Variants in ABCA1 observed in about 807,000 individuals in gnomAD.
ABCA1 encodes the protein ATP binding cassette subfamily A member 1.
In ABCA1, 133 loss-of-function variants were observed where a neutral mutation model predicts 262.5. The ratio of observed to expected loss-of-function variants is 0.51; its 90% CI spans 0.44 to 0.59. The LOEUF (loss-of-function observed/expected upper bound fraction) is 0.59. Ranked by LOEUF, ABCA1 falls within the 20% of genes least tolerant of loss-of-function variation. The pLI is 0.00. For missense variants in ABCA1, 2,452 were observed against 2,777.5 expected, an observed-to-expected ratio of 0.88 and a Z score of 2.63; for synonymous variants, 1,022 against 1,043.5, an observed-to-expected ratio of 0.98 and a Z score of 0.40.
chr9:104,850,564 A>G (rs909326713), intron 7 of ABCA1, among the ~76,000 whole-genome samples: 34 of 152,276 alleles, frequency 2.2e-4, no homozygotes, highest in African/African-American at 8.0e-4. Context: ...TGTTGGCCTG[A>G]GCACATATCA....
intron 18 of ABCA1, among the ~76,000 whole-genome samples, chr9:104,823,973 A>T (rs1832598579): frequency 6.6e-6 from 1 of 152,220 alleles, no homozygotes; most frequent in East Asian, 1.9e-4. Flanking sequence ...TGAGCTGTGG[A>T]CATCTCTGTC....
chr9:104,884,648 G>T, intron 3 of ABCA1, 80 bp from the exon 4 acceptor site: 1 of 1,521,340 alleles, frequency 6.6e-7, no homozygotes, highest in Non-Finnish European at 9.1e-7. Context: ...TTTATACAAT[G>T]CTTCATGCCA....
chr9:104,861,609 A>C, intron 6 of ABCA1, 70 bp downstream of exon 6: 2 of 1,601,342 alleles, frequency 1.2e-6, no homozygotes, highest in Non-Finnish European at 1.7e-6. Flanking sequence ...GGGTTTATTC[A>C]TTTCTTTCCA....
rs185410957 is a variant in ABCA1 at position 104,835,105 on chromosome 9, G to A, written c.1311+1875C>T. Among the ~76,000 whole-genome samples the A allele has an allele frequency of 1.6e-4, 25 of 152,024 alleles. No individual in the cohort carries two copies. The East Asian group carries it at 3.9e-3, about 23-fold the overall frequency. ...TCCACTGAAAATACAAAAATTAGCC[G>A]GGCACAGTGATATGTGCCTGTAATC... On this transcript the variant is annotated intron_variant, in intron 11 of 49. Transcript: ENST00000374736.
chr9:104,884,818 T>C (rs1839009770), intron 3 of ABCA1, among the ~76,000 whole-genome samples: 1 of 151,986 alleles, frequency 6.6e-6, no homozygotes, highest in Admixed American at 6.6e-5. Context: ...ATGAGAGGGG[T>C]CCTAAGCAGA....
At chr9:104,854,589 C>T (rs989726751) in intron 7 of ABCA1, among the ~76,000 whole-genome samples, 6 of 152,142 alleles carry the variant, frequency 3.9e-5, no homozygotes, top group Admixed American at 6.5e-5. Context: ...GCCCTCTCCT[C>T]GCTCTGGGAA....
chr9:104,900,741 A>G (rs1840602418), intron 2 of ABCA1, among the ~76,000 whole-genome samples: 1 of 152,178 alleles, frequency 6.6e-6, no homozygotes, highest in African/African-American at 2.4e-5. Context: ...TGCCCCCCTG[A>G]GCCCCAGTTC....
rs1394868774 is a variant in ABCA1 at position 104,861,895 on chromosome 9, T to C, written c.422-95A>G. On this transcript the variant is annotated intron_variant, in intron 5 of 49. Transcript: ENST00000374736. ...GGACAGTGGAGAAACGTTATCATAA[T>C]ATTGATGATCAACAGTTGCCTGGCT... is the stretch of plus-strand genomic sequence containing the variant. 28 of 1,153,568 alleles carry C rather than the reference T, an allele frequency of 2.4e-5. 1 individual carries two copies. Among genetic ancestry groups the C allele is most frequent in the Non-Finnish European group, 2.9e-5 (23 of 800,514 alleles). 71.5% of individuals were successfully genotyped at this position (1,153,568 alleles called of 1,614,324 possible). A position where few individuals can be genotyped will look rare whatever the true frequency, so the allele number is the denominator to read the frequency against.
intron 1 of ABCA1, among the ~76,000 whole-genome samples, chr9:104,904,225 C>T (rs1368711388): frequency 6.6e-6 from 1 of 152,168 alleles, no homozygotes; most frequent in East Asian, 1.9e-4. Flanking sequence ...CCCTGAACTT[C>T]CTTACATACT....
chr9:104,926,091 G>C (rs958569352), intron 1 of ABCA1, among the ~76,000 whole-genome samples: 1 of 152,176 alleles, frequency 6.6e-6, no homozygotes, highest in South Asian at 2.1e-4. Context: ...TTCTCTTCGT[G>C]GGAAGCAGGG....
intron 37 of ABCA1, among the ~76,000 whole-genome samples, chr9:104,797,810 G>A (rs905854011): frequency 1.4e-4 from 21 of 152,116 alleles, no homozygotes; most frequent in South Asian, 6.2e-4. Flanking sequence ...GGACTTGTTC[G>A]GTGGGAGAAG....
rs937982677 is a variant in ABCA1, at chr9:104,806,399, A to G, written c.4306T>C (p.Trp1436Arg). Residue 1436 changes from tryptophan (W) to arginine (R), a missense_variant, in exon 31 of 50, where the codon TGG (tryptophan) becomes CGG (arginine). Trp to Arg is a moderately radical substitution (Grantham distance 101). Transcript: ENST00000374736. ...DTPCQAGEEE[W>R]TTAPVPQTIM... Reference sequence around the variant, plus strand: ...GTCTGGGGAACTGGGGCAGTGGTCCACTCTTCCTCCCCTGCCTGGCAGGGC... The same window carrying G: ...GTCTGGGGAACTGGGGCAGTGGTCCGCTCTTCCTCCCCTGCCTGGCAGGGC... 2 of 1,613,680 alleles carry G rather than the reference A, an allele frequency of 1.2e-6. No individual in the cohort carries two copies. Among genetic ancestry groups the G allele is most frequent in the African/African-American group, 2.7e-5 (2 of 74,790 alleles).
chr9:104,811,288 G>C (rs1171868373), intron 28 of ABCA1, among the ~76,000 whole-genome samples: 2 of 152,240 alleles, frequency 1.3e-5, no homozygotes, highest in African/African-American at 4.8e-5. Flanking sequence ...CATGAACCCA[G>C]GACCAGGAGC....
At chr9:104,792,983 A>AT (rs1356435518) in intron 41 of ABCA1, 77 bp from the exon 42 acceptor site, 1 of 1,607,946 alleles carries the variant, frequency 6.2e-7, no homozygotes, top group Non-Finnish European at 8.5e-7. Flanking sequence ...ACGTAGTATT[A>AT]TAAAACCTAC....
chr9:104,861,565 A>ACCTC, intron 6 of ABCA1, 114 bp downstream of exon 6: 1 of 1,439,132 alleles, frequency 6.9e-7, no homozygotes, highest in East Asian at 2.3e-5. Flanking sequence ...TATTCAAACT[A>ACCTC]CCTCCCTCCC....
At chr9:104,794,588 A>G in intron 39 of ABCA1, 78 bp from the exon 40 acceptor site, 1 of 1,532,332 alleles carries the variant, frequency 6.5e-7, no homozygotes, top group Non-Finnish European at 8.8e-7. Flanking sequence ...TTTATCCTAA[A>G]AATGTATCAA....
chr9:104,862,699 C>CAGGGCAGGGCAGGGCAGGGCAGGGCCG (rs1836713677), intron 5 of ABCA1, among the ~76,000 whole-genome samples: 1 of 8,466 alleles, frequency 1.2e-4, no homozygotes, highest in African/African-American at 6.9e-4. Flanking sequence ...CGGGCCGGGC[C>CAGGGCAGGGCAGGGCAGGGCAGGGCCG]GGCCCCCACC....
chr9:104,832,541 G>A, intron 12 of ABCA1, 33 bp downstream of exon 12: 3 of 1,611,526 alleles, frequency 1.9e-6, no homozygotes, highest in Non-Finnish European at 2.5e-6. Context: ...AAGCCGTTAA[G>A]TCTTTTCTAA....
At chr9:104,810,181 TA>T (rs1831157923) in intron 29 of ABCA1, among the ~76,000 whole-genome samples, 3 of 146,682 alleles carry the variant, frequency 2.0e-5, no homozygotes, top group African/African-American at 7.4e-5. Flanking sequence ...TTTTTTTTTT[TA>T]AATGCTTCCC....
Sources: allele counts gnomAD v4.1 joint callset (sites outside exome capture counted in the v4.1 genomes callset), GRCh38; gene constraint gnomAD v4.1.1; transcripts MANE v1.5; gene names NCBI Gene and HGNC (gene_info 2026-07-23, HGNC 2026-07-21).